The following SCNN1A variants were observed in gnomAD, a reference collection of about 807,000 sequenced individuals.
The protein encoded by SCNN1A is epithelial sodium channel subunit alpha.
Under a neutral mutation model 68.6 loss-of-function variants are expected in SCNN1A, and 65 were observed. The ratio of observed to expected loss-of-function variants is 0.95; its 90% CI spans 0.78 to 1.16. The LOEUF (loss-of-function observed/expected upper bound fraction) is 1.16, where lower values mean the gene tolerates loss of function less well. Among genes scored for constraint, SCNN1A ranks in the 50% most tolerant of loss-of-function variants. SCNN1A has a pLI of 0.00. For missense variants in SCNN1A, 880 were observed against 865.9 expected, an observed-to-expected ratio of 1.02 and a Z score of -0.20; for synonymous variants, 357 against 353.3, an observed-to-expected ratio of 1.01 and a Z score of -0.12.
chr12:6,373,881 C>T (rs1468459173), intron 2 of SCNN1A, among the ~76,000 whole-genome samples: 1 of 152,182 alleles, frequency 6.6e-6, no homozygotes, highest in African/African-American at 2.4e-5. Flanking sequence ...ATAATAAATT[C>T]CCCTTCTAAA....
intron 4 of SCNN1A, among the ~76,000 whole-genome samples, chr12:6,359,505 C>T (rs1389473476): frequency 6.6e-6 from 1 of 152,076 alleles, no homozygotes; most frequent in African/African-American, 2.4e-5. Context: ...AGGGGTGGGT[C>T]CCTCTTGAAT....
chr12:6,375,704 G>A (rs1225914895), upstream of SCNN1A: 2 of 1,435,798 alleles, frequency 1.4e-6, no homozygotes, highest in African/African-American at 1.5e-5. Flanking sequence ...TGAGAAGGCG[G>A]ACTCTGGGCA....
At chr12:6,364,121 T>C (rs1948635418) in intron 2 of SCNN1A, 1 of 162,092 alleles carries the variant, frequency 6.2e-6, no homozygotes, top group South Asian at 2.0e-4. Context: ...CAGGCGAGTG[T>C]CGGTGGCCTT....
At chr12:6,360,304 T>C (rs934215635) in intron 4 of SCNN1A, among the ~76,000 whole-genome samples, 2 of 151,842 alleles carry the variant, frequency 1.3e-5, no homozygotes, top group East Asian at 1.9e-4. Context: ...AGATGAACCA[T>C]GGACTTTCTG....
In SCNN1A at chr12:6,349,122, T is replaced by C. The variant is rs72657553; in HGVS notation, c.1497+42A>G. On this transcript the variant is annotated intron_variant, in intron 10 of 12. Transcript: ENST00000228916. ...ACCCAGAGAAGGCCACAGCATTACA[T>C]GGGCACACACATCCCCCACCCATCC... is the stretch of plus-strand genomic sequence containing the variant. The C allele has an allele frequency of 4.5e-5, 72 of 1,607,724 alleles. No homozygotes were observed. The African/African-American group carries it at 5.9e-4, about 13-fold the overall frequency.
At position 6,347,406 on chromosome 12, in the gene SCNN1A, G is replaced by T. The variant is rs140681881; in HGVS notation, c.*467C>A. 7.0e-4 allele frequency: 116 copies of T among 166,896 alleles called. No homozygotes were observed. The highest frequency in any genetic ancestry group is 2.5e-3 in the African/African-American group (103 of 41,856). 10.3% of individuals were successfully genotyped at this position (166,896 alleles called of 1,614,324 possible). On this transcript the variant is annotated 3_prime_UTR_variant, in exon 13 of 13. Coordinates refer to ENST00000228916, the MANE Select transcript of SCNN1A (RefSeq NM_001038.6). The stretch of plus-strand genomic sequence containing the variant: ...GGGGTTTCCCACCCAAGTTCAAGAG[G>T]AGGAGCAGACATCTGTGCTACTGGA...
intron 10 of SCNN1A, 40 bp from the exon 11 acceptor site, chr12:6,349,045 T>C (rs746601939): frequency 2.5e-6 from 4 of 1,609,628 alleles, no homozygotes; most frequent in South Asian, 1.1e-5. Context: ...CACTCCCATA[T>C]GCTTCAGGCT....
Position 6,347,994 on chromosome 12 carries a change from C to T in SCNN1A, c.1889G>A (p.Gly630Asp), listed in dbSNP as rs774283066. 1.9e-6 allele frequency: 3 copies of T among 1,577,644 alleles called. No homozygotes were observed. The highest frequency in any genetic ancestry group is 4.6e-5 in the East Asian group (2 of 43,052). ...HPMSLSLSQP[G>D]PAPSPALTAP... ...TGTCAAGGCTGGAGAGGGAGCAGGG[C>T]CTGGCTGGGACAAGGACAGAGACAT... Residue 630 changes from glycine to aspartate, a missense_variant, in exon 13 of 13, where the codon GGC (glycine) becomes GAC (aspartate). By Grantham distance (94) the Gly-to-Asp change is moderately conservative (BLOSUM62 -1). Transcript: ENST00000228916.
chr12:6,374,322 C>A lies in SCNN1A; in HGVS notation c.416+46G>T. 1 of 1,603,084 alleles carries A rather than the reference C, an allele frequency of 6.2e-7. No individual in the cohort carries two copies. Among genetic ancestry groups the A allele is most frequent in the African/African-American group, 1.3e-5 (1 of 74,870 alleles). Reference sequence around the variant, plus strand: ...TGAGCACCTCAGCACCCTGGACCACCCTTCCAGGCGCAGGCACCAGGGAAG... The same window carrying A: ...TGAGCACCTCAGCACCCTGGACCACACTTCCAGGCGCAGGCACCAGGGAAG... On this transcript the variant is annotated intron_variant, in intron 2 of 12. Transcript: ENST00000228916. This position sits in a 1 kb window ranked among gnomAD's most constrained non-coding sequence, Gnocchi z 6.2.
upstream of SCNN1A, chr12:6,376,029 G>A: frequency 2.0e-6 from 2 of 996,256 alleles, no homozygotes; most frequent in Non-Finnish European, 2.4e-6. Context: ...TCTCCAGGAA[G>A]GAGAGCAAGG....
In SCNN1A at chr12:6,363,663, T is replaced by C; in HGVS notation, c.464A>G (p.Glu155Gly). The C allele has an allele frequency of 6.2e-7, 1 of 1,609,066 alleles. No homozygotes were observed. Among genetic ancestry groups the C allele is most frequent in the Non-Finnish European group, 8.5e-7 (1 of 1,177,370 alleles). ...TTTGTACAGGTCAAAGAGCGTCTGC[T>C]CTGTGATGCGGTCCAGCTCCTCCAG... ...EELEELDRIT[E>G]QTLFDLYKYS... The change falls in exon 3 of 13, where the codon GAG becomes GGG. Residue 155 changes from glutamate (E) to glycine (G), a missense_variant. Physicochemically the swap from Glu to Gly is moderately conservative, Grantham distance 98 (BLOSUM62 -2). This residue lies in a region of SCNN1A where 758 missense variants were observed against 721.8 expected (regional missense o/e 1.05). Transcript: ENST00000228916.
chr12:6,376,311 G>A, upstream of SCNN1A: 1 of 351,176 alleles, frequency 2.8e-6, no homozygotes, highest in Non-Finnish European at 4.0e-6. Context: ...GGGCTAGGCG[G>A]GGCCCTAGGA....
At chr12:6,349,625 T>A (rs1948337317) in intron 8 of SCNN1A, among the ~76,000 whole-genome samples, 1 of 152,064 alleles carries the variant, frequency 6.6e-6, no homozygotes, top group Non-Finnish European at 1.5e-5. Flanking sequence ...GGAGGGTCGT[T>A]TGAGGCCAGG....
Position 6,374,955 on chromosome 12 carries a change from G to A in SCNN1A, c.-54-118C>T, listed in dbSNP as rs766735096. ...CCCGAGTGAGGCTGCCCCTGGCCATGCCCATGTCCCACCCTGCGCCCACAT... is the reference window on the plus strand; with the variant it reads ...CCCGAGTGAGGCTGCCCCTGGCCATACCCATGTCCCACCCTGCGCCCACAT... On this transcript the variant is annotated intron_variant, in intron 1 of 12. Transcript: ENST00000228916. This position sits in a 1 kb window ranked among gnomAD's most constrained non-coding sequence, Gnocchi z 6.2. 6.4e-7 allele frequency: 1 copy of A among 1,573,234 alleles called. No homozygotes were observed. The highest frequency in any genetic ancestry group is 8.6e-7 in the Non-Finnish European group (1 of 1,158,774).
intron 12 of SCNN1A, 98 bp from the exon 13 acceptor site, chr12:6,348,351 T>C (rs1395758701): frequency 5.7e-6 from 9 of 1,592,854 alleles, no homozygotes; most frequent in Non-Finnish European, 6.8e-6. Context: ...TCTCCCTTCA[T>C]CCCTGAAGAC....
chr12:6,363,256 G>C (rs957905709), intron 3 of SCNN1A, among the ~76,000 whole-genome samples, 187 bp downstream of exon 3: 2 of 152,062 alleles, frequency 1.3e-5, no homozygotes. Flanking sequence ...GGCACCAAGA[G>C]GTGTTATTTT....
chr12:6,373,692 G>C lies in SCNN1A; in HGVS notation c.416+676C>G, dbSNP rs184115464. ...TTCAGGACACACCCAAGCACGTAAA[G>C]GTCAGGCACCTGGGCAGGTCAACAG... On this transcript the variant is annotated intron_variant, in intron 2 of 12. Transcript: ENST00000228916. Among the ~76,000 whole-genome samples the C allele has an allele frequency of 1.4e-4, 21 of 152,322 alleles. No homozygotes were observed. The East Asian group carries it at 3.3e-3, about 24-fold the overall frequency.
chr12:6,350,179 T>C (rs1258767974), intron 8 of SCNN1A, among the ~76,000 whole-genome samples: 2 of 149,950 alleles, frequency 1.3e-5, no homozygotes, highest in Non-Finnish European at 3.0e-5. Flanking sequence ...ACGCCTGTAA[T>C]CCCAGCACTT....
At position 6,348,233 on chromosome 12, in the gene SCNN1A, G is replaced by T; in HGVS notation, c.1650C>A (p.Asn550Lys). Residue 550 changes from asparagine to lysine, a missense_variant, in exon 13 of 13, where the codon AAC becomes AAA. This residue lies in a region of SCNN1A where 758 missense variants were observed against 721.8 expected (regional missense o/e 1.05). Coordinates refer to ENST00000228916, the MANE Select transcript of SCNN1A (RefSeq NM_001038.6). The part of the protein sequence containing the change: ...PSVTMVTLLS[N>K]LGSQWSLWFG... ...ACCACAGGCTCCACTGGCTGCCCAG[G>T]TTGGACAGGAGGGTGACCATCTGTG... 6.2e-7 allele frequency: 1 copy of T among 1,614,070 alleles called. No homozygotes were observed. The highest frequency in any genetic ancestry group is 8.5e-7 in the Non-Finnish European group (1 of 1,180,008).
Sources: allele counts gnomAD v4.1 joint callset (sites outside exome capture counted in the v4.1 genomes callset), GRCh38; gene constraint gnomAD v4.1.1; regional missense constraint gnomAD v4.1.1; non-coding constraint Gnocchi (gnomAD v3.1); transcripts MANE v1.5; gene names NCBI Gene and HGNC (gene_info 2026-07-23, HGNC 2026-07-21).